Variants in MMD observed in about 807,000 individuals in gnomAD.
MMD encodes monocyte to macrophage differentiation associated, also known as monocyte to macrophage differentiation factor.
Under a neutral mutation model 33.6 loss-of-function variants are expected in MMD, and 22 were observed. The ratio of observed to expected loss-of-function variants is 0.66; its 90% confidence interval spans 0.47 to 0.94. The LOEUF (loss-of-function observed/expected upper bound fraction) is 0.94. Ranked by LOEUF, MMD falls within the 40% of genes least tolerant of loss-of-function variation. The probability of loss-of-function intolerance (pLI) is 0.00; values close to 1 mark genes in which losing one functional copy is unlikely to be tolerated. For missense variants in MMD, 242 were observed against 309.8 expected, an observed-to-expected ratio of 0.78 and a Z score of 1.64; for synonymous variants, 97 against 103.2, an observed-to-expected ratio of 0.94 and a Z score of 0.36.
intron 6 of MMD, among the ~76,000 whole-genome samples, chr17:55,400,102 G>GTAATTT (rs1384047042): frequency 2.6e-4 from 39 of 152,018 alleles, no homozygotes; most frequent in Admixed American, 2.6e-4. Context: ...TGGGTGCTAG[G>GTAATTT]TAATTATTAA....
At chr17:55,396,043 T>C (rs919176453) in intron 6 of MMD, among the ~76,000 whole-genome samples, 3 of 152,122 alleles carry the variant, frequency 2.0e-5, no homozygotes, top group Non-Finnish European at 4.4e-5. Context: ...AAAATATCCT[T>C]TTTTTTCCTT....
chr17:55,402,317 G>A (rs1368248135), intron 5 of MMD, among the ~76,000 whole-genome samples: 2 of 152,052 alleles, frequency 1.3e-5, no homozygotes, highest in African/African-American at 2.4e-5. Context: ...AGGAAAGGAC[G>A]TGTAATTTTG....
intron 4 of MMD, among the ~76,000 whole-genome samples, chr17:55,406,694 C>T (rs889282400): frequency 6.6e-6 from 1 of 151,596 alleles, no homozygotes; most frequent in Non-Finnish European, 1.5e-5. Context: ...AACCTGGTAT[C>T]GACAACATGG....
intron 1 of MMD, among the ~76,000 whole-genome samples, chr17:55,417,348 G>A (rs1262030880): frequency 1.3e-5 from 2 of 152,174 alleles, no homozygotes; most frequent in African/African-American, 4.8e-5. Flanking sequence ...GTGTGGTGGT[G>A]TGCACCTGTA....
chr17:55,408,384 A>G (rs1907639027), intron 3 of MMD, among the ~76,000 whole-genome samples: 1 of 150,334 alleles, frequency 6.7e-6, no homozygotes, highest in African/African-American at 2.5e-5. Context: ...AACAGTAACA[A>G]AAACAAAAAA....
In MMD at chr17:55,393,306, G is replaced by A. The variant is rs1048405674; in HGVS notation, c.*1028C>T. The A allele has an allele frequency of 1.3e-5, 2 of 148,770 alleles. No individual in the cohort carries two copies. Among genetic ancestry groups the A allele is most frequent in the Non-Finnish European group, 3.0e-5 (2 of 67,546 alleles). 9.2% of individuals were successfully genotyped at this position (148,770 alleles called of 1,614,324 possible). On this transcript the variant is annotated 3_prime_UTR_variant, in exon 7 of 7. Transcript: ENST00000262065. ...AGATGCAAAGGAAAGGCAGAAATGT[G>A]AATTTATGCATCTAGTTCCACAATT...
intron 5 of MMD, among the ~76,000 whole-genome samples, chr17:55,401,884 T>C (rs1283351905): frequency 1.3e-5 from 2 of 151,954 alleles, no homozygotes; most frequent in African/African-American, 2.4e-5. Context: ...CCATCCTGAT[T>C]AACACGGTGA....
chr17:55,414,919 T>C (rs962504329), intron 1 of MMD, among the ~76,000 whole-genome samples: 8 of 152,220 alleles, frequency 5.3e-5, no homozygotes, highest in Admixed American at 4.6e-4. Context: ...TACTACCTGA[T>C]TCTTTTGGCT....
rs1908201716 is a variant in MMD at position 55,421,755 on chromosome 17, C to T, written c.-60G>A. On this transcript the variant is annotated 5_prime_UTR_variant, in exon 1 of 7. Coordinates refer to ENST00000262065, the MANE Select transcript of MMD (RefSeq NM_012329.3). ...CGTCTCGTCAGCACCGGCGGCCGGG[C>T]GCGCGGCCCTCATGGGCTTGGGCTG... 3 of 1,551,998 alleles carry T rather than the reference C, an allele frequency of 1.9e-6. No homozygotes were observed. The highest frequency in any genetic ancestry group is 4.1e-5 in the Admixed American group (2 of 48,502).
intron 1 of MMD, among the ~76,000 whole-genome samples, chr17:55,416,497 T>C (rs1321141312): frequency 4.6e-5 from 7 of 152,190 alleles, no homozygotes; most frequent in Non-Finnish European, 7.3e-5. Context: ...TAAGGGTAAC[T>C]ATCCTGGAAG....
At chr17:55,419,069 C>A (rs1864078219) in intron 1 of MMD, among the ~76,000 whole-genome samples, 1 of 152,192 alleles carries the variant, frequency 6.6e-6, no homozygotes, top group Non-Finnish European at 1.5e-5. Flanking sequence ...TGAAGTTGAA[C>A]TCTTGGGTCT....
intron 1 of MMD, among the ~76,000 whole-genome samples, chr17:55,419,186 G>A (rs961208690): frequency 6.6e-6 from 1 of 152,208 alleles, no homozygotes; most frequent in Non-Finnish European, 1.5e-5. Flanking sequence ...AGTTATAGTT[G>A]AGGATGAGTA....
At chr17:55,421,351 G>A (rs1908178417) in intron 1 of MMD, among the ~76,000 whole-genome samples, 1 of 152,228 alleles carries the variant, frequency 6.6e-6, no homozygotes, top group South Asian at 2.1e-4. Context: ...CAGCCTGTAT[G>A]GGGGTCGGGA....
intron 5 of MMD, 147 bp downstream of exon 5, chr17:55,403,620 T>C (rs1907430607): frequency 3.8e-6 from 2 of 529,244 alleles, no homozygotes; most frequent in Admixed American, 3.8e-5. Context: ...GAATACCAAA[T>C]GGTTTTGAAG....
At chr17:55,405,379 GAAAA>G (rs10554664) in intron 4 of MMD, among the ~76,000 whole-genome samples, 1 of 114,922 alleles carries the variant, frequency 8.7e-6, no homozygotes, top group Non-Finnish European at 1.7e-5. Flanking sequence ...CCGTCTCAAA[GAAAA>G]AAAAAAAAAA....
rs1907871690 is a variant in MMD at position 55,414,171 on chromosome 17, C to G, written c.88G>C (p.Ala30Pro). The part of the protein sequence containing the change: ...RYKPTCYEHA[A>P]NCYTHAFLIV... ...CTCACTGCGTGTGTGTAACAGTTAG[C>G]AGCATGTTCATAGCAAGTTGGCTTG... is the stretch of plus-strand genomic sequence containing the variant. Residue 30 changes from alanine to proline, a missense_variant, in exon 2 of 7, where the codon GCT becomes CCT. Coordinates refer to ENST00000262065, the MANE Select transcript of MMD (RefSeq NM_012329.3). The G allele has an allele frequency of 6.2e-7, 1 of 1,613,890 alleles. No homozygotes were observed. The highest frequency in any genetic ancestry group is 8.5e-7 in the Non-Finnish European group (1 of 1,179,814).
intron 6 of MMD, among the ~76,000 whole-genome samples, chr17:55,397,408 G>A (rs1271507656): frequency 6.6e-6 from 1 of 152,144 alleles, no homozygotes; most frequent in Non-Finnish European, 1.5e-5. Context: ...TGATCTGCCT[G>A]CCTTGGCCTC....
rs182283276 is a variant in MMD, at chr17:55,413,323, G to A, written c.108+828C>T. 3.6e-4 allele frequency among the ~76,000 whole-genome samples: 54 copies of A among 151,984 alleles called. No homozygotes were observed. The South Asian group carries it at 9.4e-3, about 26-fold the overall frequency. On this transcript the variant is annotated intron_variant, in intron 2 of 6. Transcript: ENST00000262065. ...TCCCAGCCACTATTTTTCCCTCAAT[G>A]TCACTAAATGCAAGGGAATAATGAA...
chr17:55,401,532 C>T lies in MMD; in HGVS notation c.453G>A (p.Lys151=). ...TGAGATAGAAAAAGAGTTCAACCAC[C>T]TTATATCTGCAGGAACAAAAATGCA... ...IYVFLYHEKY[K]VVELFFYLTM... is the part of the protein sequence containing the mutation. The change falls in exon 6 of 7, where the codon AAG becomes AAA. Residue 151 remains lysine (K), a synonymous_variant. Coordinates refer to ENST00000262065, the MANE Select transcript of MMD (RefSeq NM_012329.3). The T allele has an allele frequency of 6.2e-7, 1 of 1,609,646 alleles. No individual in the cohort carries two copies.
Sources: gnomAD v4.1 joint callset for allele counts (sites outside exome capture counted in the v4.1 genomes callset) on GRCh38, gnomAD v4.1.1 for gene constraint, MANE v1.5 for transcripts, NCBI Gene and HGNC (gene_info 2026-07-23, HGNC 2026-07-21) for gene names.